The following CHCHD6 variants were observed in gnomAD, a reference collection of about 807,000 sequenced individuals.
The protein encoded by CHCHD6 is MICOS complex subunit MIC25.
In CHCHD6, 28 loss-of-function variants were observed where a neutral mutation model predicts 32.3. That is an observed-to-expected ratio of 0.87 (90% CI 0.64 to 1.19). The LOEUF (loss-of-function observed/expected upper bound fraction) is 1.19. Ranked by LOEUF, CHCHD6 falls within the 50% of genes most tolerant of loss-of-function variation. CHCHD6 has a pLI of 0.00. For missense variants in CHCHD6, 333 were observed against 307.0 expected (o/e 1.08, Z -0.63); for synonymous variants, 122 against 117.5 (o/e 1.04, Z -0.25).
intron 1 of CHCHD6, among the ~76,000 whole-genome samples, chr3:126,723,521 AT>A (rs200472677): frequency 6.6e-6 from 1 of 150,994 alleles, no homozygotes; most frequent in East Asian, 1.9e-4. Context: ...GTATGTCTGC[AT>A]TTTTTTTTGC....
At chr3:126,732,985 T>A in intron 3 of CHCHD6, 93 bp from the exon 4 acceptor site, 1 of 1,406,008 alleles carries the variant, frequency 7.1e-7, no homozygotes, top group Non-Finnish European at 9.9e-7. Flanking sequence ...AGCATTTCCC[T>A]GGTGGCTGAA....
intron 5 of CHCHD6, among the ~76,000 whole-genome samples, chr3:126,904,258 A>G: frequency 6.6e-6 from 1 of 152,148 alleles, no homozygotes; most frequent in East Asian, 1.9e-4. Context: ...TGTAGTCTTC[A>G]AAAATTCCTG....
chr3:126,845,894 G>T (rs1456722613), intron 4 of CHCHD6, among the ~76,000 whole-genome samples: 3 of 152,124 alleles, frequency 2.0e-5, no homozygotes, highest in Non-Finnish European at 4.4e-5. Context: ...AAACTAGTCA[G>T]AATCTATTTT....
In CHCHD6 at chr3:126,727,132, C is replaced by T. The variant is rs139974706; in HGVS notation, c.142C>T (p.Pro48Ser). 2.4e-4 allele frequency: 384 copies of T among 1,614,108 alleles called. No individual in the cohort carries two copies. In the Middle Eastern group the frequency reaches 3.3e-3, roughly 14 times the overall value. The change falls in exon 2 of 8, where the codon CCC becomes TCC. Residue 48 changes from proline (P) to serine (S), a missense_variant. Physicochemically the swap from Pro to Ser is moderately conservative, Grantham distance 74 (BLOSUM62 -1). Transcript: ENST00000290913. ...GGAGCCCAGCTCTCCACCCCCTGCT[C>T]CCACATCTTCTACCTTTGGCCTTCA... ...MKEPSSPPPA[P>S]TSSTFGLQDG...
intron 1 of CHCHD6, among the ~76,000 whole-genome samples, chr3:126,705,377 CT>C (rs1934434746): frequency 6.6e-6 from 1 of 152,230 alleles, no homozygotes; most frequent in Non-Finnish European, 1.5e-5. Context: ...AAAAGCAGCT[CT>C]TATTGCAGTG....
chr3:126,908,515 G>T (rs542274267), intron 5 of CHCHD6, among the ~76,000 whole-genome samples: 1 of 152,274 alleles, frequency 6.6e-6, no homozygotes, highest in East Asian at 1.9e-4. Flanking sequence ...TTCTGTAGTG[G>T]TTCTGACCCC....
intron 4 of CHCHD6, chr3:126,767,308 A>G: frequency 9.2e-7 from 1 of 1,084,092 alleles, no homozygotes; most frequent in Non-Finnish European, 1.4e-6. Flanking sequence ...CCCCAAACGC[A>G]AACACGGAGC....
intron 4 of CHCHD6, among the ~76,000 whole-genome samples, chr3:126,779,834 C>G (rs1937847254): frequency 6.6e-6 from 1 of 152,182 alleles, no homozygotes; most frequent in Non-Finnish European, 1.5e-5. Context: ...TATGTCTTAT[C>G]TGCCCTATTA....
intron 4 of CHCHD6, among the ~76,000 whole-genome samples, chr3:126,755,272 T>C (rs1312562211): frequency 2.0e-5 from 3 of 152,058 alleles, no homozygotes; most frequent in Non-Finnish European, 4.4e-5. Flanking sequence ...GGAATGGGTT[T>C]TTGAGGTTTC....
At chr3:126,854,388 C>CTCCTT (rs1941582345) in intron 5 of CHCHD6, among the ~76,000 whole-genome samples, 1 of 152,010 alleles carries the variant, frequency 6.6e-6, no homozygotes, top group African/African-American at 2.4e-5. Flanking sequence ...TCCAACATCT[C>CTCCTT]AGGAAATGGA....
At position 126,704,327 on chromosome 3, in the gene CHCHD6, G is replaced by A; in HGVS notation, c.15G>A (p.Glu5=). 1.9e-6 allele frequency: 3 copies of A among 1,603,888 alleles called. No individual in the cohort carries two copies. The highest frequency in any genetic ancestry group is 2.5e-6 in the Non-Finnish European group (3 of 1,177,108). The part of the protein sequence containing the change: MGST[E]SSEGRRVSFG... ...GGCATCTCGCCATGGGGAGCACGGA[G>A]AGCAGCGAGGGCCGCAGGGTGTCCT... Residue 5 remains glutamate (E), a synonymous_variant, in exon 1 of 8, where the codon GAG becomes GAA. Coordinates refer to ENST00000290913, the MANE Select transcript of CHCHD6 (RefSeq NM_032343.3).
chr3:126,828,038 T>C (rs1395738456), intron 4 of CHCHD6, among the ~76,000 whole-genome samples: 1 of 152,192 alleles, frequency 6.6e-6, no homozygotes, highest in Non-Finnish European at 1.5e-5. Flanking sequence ...AAGCCTTTCC[T>C]GGTCCCCTTC....
At chr3:126,819,723 T>G (rs1402331613) in intron 4 of CHCHD6, among the ~76,000 whole-genome samples, 3 of 152,200 alleles carry the variant, frequency 2.0e-5, no homozygotes, top group African/African-American at 7.2e-5. Context: ...TGGCTGCATG[T>G]CAGCATTTGC....
intron 4 of CHCHD6, among the ~76,000 whole-genome samples, chr3:126,803,400 G>C (rs1190678232): frequency 6.6e-6 from 1 of 152,072 alleles, no homozygotes. Flanking sequence ...ACAAAAAAAG[G>C]CAGGGGTTGC....
At position 126,805,075 on chromosome 3, in the gene CHCHD6, C is replaced by T. The variant is rs1378859093; in HGVS notation, c.412-47572C>T. Among the ~76,000 whole-genome samples, 3 of 152,082 alleles carry T rather than the reference C, an allele frequency of 2.0e-5. No homozygotes were observed. In the East Asian group the frequency reaches 5.8e-4, roughly 29 times the overall value. On this transcript the variant is annotated intron_variant, in intron 4 of 7. Coordinates refer to ENST00000290913, the MANE Select transcript of CHCHD6 (RefSeq NM_032343.3). Reference sequence around the variant, plus strand: ...TCAAAATAATACGAGATATTTATGACAAACCCACAGCCAATATCATACTGA... The same window carrying T: ...TCAAAATAATACGAGATATTTATGATAAACCCACAGCCAATATCATACTGA...
intron 4 of CHCHD6, among the ~76,000 whole-genome samples, chr3:126,829,514 T>C (rs962396303): frequency 2.6e-5 from 4 of 151,990 alleles, no homozygotes; most frequent in Non-Finnish European, 5.9e-5. Context: ...GGAGATGTTA[T>C]GGACTGAATG....
At chr3:126,766,759 G>A in intron 4 of CHCHD6, 1 of 1,141,686 alleles carries the variant, frequency 8.8e-7, no homozygotes, top group Non-Finnish European at 1.3e-6. Flanking sequence ...TTCACGGGAG[G>A]TGTTGGTGGC....
chr3:126,893,365 T>C (rs887153567), intron 5 of CHCHD6, among the ~76,000 whole-genome samples: 1 of 152,206 alleles, frequency 6.6e-6, no homozygotes, highest in Non-Finnish European at 1.5e-5. Flanking sequence ...ACTCTGTCAT[T>C]GAGGTGTCTC....
intron 5 of CHCHD6, among the ~76,000 whole-genome samples, chr3:126,873,311 T>A (rs904281326): frequency 1.3e-5 from 2 of 152,226 alleles, no homozygotes; most frequent in Non-Finnish European, 2.9e-5. Flanking sequence ...TTTGTCTTTT[T>A]TTCCCCCTCT....
Sources: allele counts gnomAD v4.1 joint callset (sites outside exome capture counted in the v4.1 genomes callset), GRCh38; gene constraint gnomAD v4.1.1; transcripts MANE v1.5; gene names NCBI Gene and HGNC (gene_info 2026-07-23, HGNC 2026-07-21).